Variants in HS6ST3 observed in about 807,000 individuals in gnomAD.
The protein encoded by HS6ST3 is heparan sulfate 6-O-sulfotransferase 3, also known as heparan-sulfate 6-O-sulfotransferase 3.
A neutral mutation model predicts 36.7 loss-of-function variants in HS6ST3; 12 were observed. That is an observed-to-expected ratio of 0.33 (90% CI 0.21 to 0.53). HS6ST3 has a LOEUF of 0.53. Ranked by LOEUF, HS6ST3 falls within the 20% of genes least tolerant of loss-of-function variation. The pLI is 0.95. For synonymous variants in HS6ST3, 240 were observed against 257.5 expected (o/e 0.93, Z 0.65); for missense variants, 584 against 640.9 (o/e 0.91, Z 0.96).
At chr13:96,222,259 A>T (rs566318972) in intron 1 of HS6ST3, among the ~76,000 whole-genome samples, 8 of 152,192 alleles carry the variant, frequency 5.3e-5, no homozygotes, top group Non-Finnish European at 1.0e-4. Context: ...CAAACTACAT[A>T]AGACAAAGAA....
At chr13:96,262,908 A>G (rs892737260) in intron 1 of HS6ST3, among the ~76,000 whole-genome samples, 1 of 152,164 alleles carries the variant, frequency 6.6e-6, no homozygotes, top group Non-Finnish European at 1.5e-5. Context: ...AACTTGTTTT[A>G]TACCTCAGAC....
At chr13:96,766,426 C>A (rs1252384565) in intron 1 of HS6ST3, among the ~76,000 whole-genome samples, 2 of 151,878 alleles carry the variant, frequency 1.3e-5, no homozygotes, top group East Asian at 3.9e-4. Context: ...GTCTATTTTC[C>A]CCCTATTTTC....
chr13:96,159,385 A>C (rs557514057), intron 1 of HS6ST3, among the ~76,000 whole-genome samples: 39 of 152,336 alleles, frequency 2.6e-4, no homozygotes, highest in Non-Finnish European at 4.4e-4. Flanking sequence ...TTTTAAAAGA[A>C]ATAAGGATAC....
At chr13:96,421,883 G>A (rs182851416) in intron 1 of HS6ST3, among the ~76,000 whole-genome samples, 1 of 152,194 alleles carries the variant, frequency 6.6e-6, no homozygotes, top group East Asian at 1.9e-4. Context: ...TAGATATTTG[G>A]CATGTAGATA....
At chr13:96,637,629 C>A (rs1753322790) in intron 1 of HS6ST3, among the ~76,000 whole-genome samples, 1 of 152,020 alleles carries the variant, frequency 6.6e-6, no homozygotes, top group African/African-American at 2.4e-5. Flanking sequence ...TTAGAAGTTA[C>A]ATGGTAATTG....
intron 1 of HS6ST3, among the ~76,000 whole-genome samples, chr13:96,721,956 G>C (rs1188471347): frequency 6.6e-6 from 1 of 152,196 alleles, no homozygotes; most frequent in East Asian, 1.9e-4. Flanking sequence ...ATTTAAGTAA[G>C]AGATGGTTAC....
chr13:96,727,475 C>A (rs534801765), intron 1 of HS6ST3, among the ~76,000 whole-genome samples: 1,705 of 152,190 alleles, frequency 0.011, 27 homozygotes, highest in African/African-American at 0.039. Context: ...GTTACAGTGG[C>A]TTTGCATCCC....
Position 96,655,722 on chromosome 13 carries a change from T to G in HS6ST3, c.708-176768T>G, listed in dbSNP as rs79819808. Among the ~76,000 whole-genome samples the G allele has an allele frequency of 6.5e-4, 99 of 152,216 alleles. No individual in the cohort carries two copies. In the East Asian group the frequency reaches 0.018, roughly 27 times the overall value. On this transcript the variant is annotated intron_variant, in intron 1 of 1. Coordinates refer to ENST00000376705, the MANE Select transcript of HS6ST3 (RefSeq NM_153456.4). ...CAAAGTCACCAAATTCCTACTGATC[T>G]TGTCCCTTCCATACTAACCAGATAC...
intron 1 of HS6ST3, among the ~76,000 whole-genome samples, chr13:96,462,797 T>C (rs1401551161): frequency 6.6e-6 from 1 of 152,222 alleles, no homozygotes; most frequent in Admixed American, 6.5e-5. Context: ...TGTGTCTATG[T>C]ATGTTTGTAT....
chr13:96,302,893 C>A (rs140992272), intron 1 of HS6ST3, among the ~76,000 whole-genome samples: 1 of 152,200 alleles, frequency 6.6e-6, no homozygotes, highest in Admixed American at 6.5e-5. Flanking sequence ...AGTTGGCATA[C>A]CATGGCCCTT....
intron 1 of HS6ST3, among the ~76,000 whole-genome samples, chr13:96,653,089 A>C (rs2056613146): frequency 6.6e-6 from 1 of 152,066 alleles, no homozygotes; most frequent in African/African-American, 2.4e-5. Flanking sequence ...TCTGAGGTGG[A>C]TGCAGAAAAG....
chr13:96,664,343 A>G (rs954918354), intron 1 of HS6ST3, among the ~76,000 whole-genome samples: 12 of 152,210 alleles, frequency 7.9e-5, no homozygotes, highest in African/African-American at 2.9e-4. Flanking sequence ...TGCCATTATC[A>G]TCATCATCGT....
chr13:96,136,682 CATATATAT>C (rs56247662), intron 1 of HS6ST3, among the ~76,000 whole-genome samples: 3,843 of 130,468 alleles, frequency 0.029, 143 homozygotes, highest in African/African-American at 0.077. Context: ...TGTTATGAAA[CATATATAT>C]ATATATATAT....
intron 1 of HS6ST3, among the ~76,000 whole-genome samples, chr13:96,588,508 A>G (rs2056370429): frequency 6.6e-6 from 1 of 152,184 alleles, no homozygotes; most frequent in Non-Finnish European, 1.5e-5. Context: ...TTTGCCCTAC[A>G]TTCTGTCAAT....
chr13:96,577,597 A>G (rs538841784), intron 1 of HS6ST3, among the ~76,000 whole-genome samples: 1 of 152,348 alleles, frequency 6.6e-6, no homozygotes, highest in Non-Finnish European at 1.5e-5. Context: ...TCGCCTATCC[A>G]TCTGACAAAG....
intron 1 of HS6ST3, among the ~76,000 whole-genome samples, chr13:96,323,173 A>G (rs948867947): frequency 6.6e-6 from 1 of 152,216 alleles, no homozygotes; most frequent in Admixed American, 6.5e-5. Context: ...CGAATTGCAT[A>G]TATAGTGACA....
At chr13:96,297,548 G>C (rs74602462) in intron 1 of HS6ST3, among the ~76,000 whole-genome samples, 5,547 of 152,148 alleles carry the variant, frequency 0.036, 368 homozygotes, top group African/African-American at 0.13. Context: ...CTTTGCCAGC[G>C]TTAGTTCTCA....
At chr13:96,141,028 G>C (rs78060154) in intron 1 of HS6ST3, among the ~76,000 whole-genome samples, 3,063 of 152,272 alleles carry the variant, frequency 0.02, 88 homozygotes, top group African/African-American at 0.068. Context: ...ATATCTACCA[G>C]AACAGGTTTT....
In HS6ST3 at chr13:96,464,138, C is replaced by CAAAAAAAAAAAAAAAAAAAA. The variant is rs67305199; in HGVS notation, c.708-368348_708-368329dup. On this transcript the variant is annotated intron_variant, in intron 1 of 1. Transcript: ENST00000376705. ...TCCTCAGGAAAGGACTGTCAGGCCT[C>CAAAAAAAAAAAAAAAAAAAA]AAAAAAAAAAAAAAAAAAAAAAATC... Among the ~76,000 whole-genome samples, 155 of 38,782 alleles carry CAAAAAAAAAAAAAAAAAAAA rather than the reference C, an allele frequency of 4.0e-3. 35 individuals carry two copies. The highest frequency in any genetic ancestry group is 0.026 in the Middle Eastern group (1 of 38). 25.4% of individuals were successfully genotyped at this position (38,782 alleles called of 152,430 possible). A position where few individuals can be genotyped will look rare whatever the true frequency, so the allele number is the denominator to read the frequency against.
Sources: gnomAD v4.1 joint callset for allele counts (sites outside exome capture counted in the v4.1 genomes callset) on GRCh38, gnomAD v4.1.1 for gene constraint, MANE v1.5 for transcripts, NCBI Gene and HGNC (gene_info 2026-07-23, HGNC 2026-07-21) for gene names.